The following TNPO3 variants were observed in gnomAD, a reference collection of about 807,000 sequenced individuals.
TNPO3 encodes the protein transportin-3.
TNPO3 carries 65 observed loss-of-function variants against 122.8 expected under a neutral mutation model. The ratio of observed to expected loss-of-function variants is 0.53; its 90% CI spans 0.43 to 0.65. The LOEUF is 0.65. TNPO3 is among the 30% of genes least tolerant of loss of function. TNPO3 has a pLI of 0.00. For synonymous variants in TNPO3, 372 were observed against 411.2 expected, an observed-to-expected ratio of 0.90 and a Z score of 1.15; for missense variants, 850 against 1,136.7, an observed-to-expected ratio of 0.75 and a Z score of 3.63.
At chr7:129,035,950 CTTTTTTTTTTTTT>C (rs71162551) in intron 1 of TNPO3, among the ~76,000 whole-genome samples, 1 of 119,938 alleles carries the variant, frequency 8.3e-6, no homozygotes, top group Non-Finnish European at 1.8e-5. Context: ...CTTTTCTTTT[CTTTTTTTTTTTTT>C]TTTTTTTTGA....
intron 1 of TNPO3, among the ~76,000 whole-genome samples, chr7:129,025,415 T>C (rs1257510516): frequency 8.2e-6 from 1 of 121,556 alleles, no homozygotes; most frequent in East Asian, 2.5e-4. Context: ...GACTCAACTA[T>C]GAAGTGTGAG....
intron 9 of TNPO3, among the ~76,000 whole-genome samples, chr7:128,993,225 T>C (rs1306902280): frequency 1.3e-5 from 2 of 151,978 alleles, no homozygotes; most frequent in African/African-American, 2.4e-5. Context: ...TACAGCAATA[T>C]GAAAACTGCC....
rs1015269087 is a variant in TNPO3, at chr7:128,954,489, G to GA, written c.*927dup. 2 of 151,998 alleles carry GA rather than the reference G, an allele frequency of 1.3e-5. No homozygotes were observed. Among genetic ancestry groups the GA allele is most frequent in the African/African-American group, 4.8e-5 (2 of 41,364 alleles). The allele number at this position is 151,998 out of a possible 1,614,324, so 9.4% of individuals were successfully genotyped here. A position where few individuals can be genotyped will look rare whatever the true frequency, so the allele number is the denominator to read the frequency against. On this transcript the variant is annotated 3_prime_UTR_variant, in exon 23 of 23. Coordinates refer to ENST00000265388, the MANE Select transcript of TNPO3 (RefSeq NM_012470.4). ...TGTCTGTGGGTGAATAATTCACTAAGAAAAAAACCTTAAAAAACAAAAACT... is the reference window on the plus strand; with the variant it reads ...TGTCTGTGGGTGAATAATTCACTAAGAAAAAAAACCTTAAAAAACAAAAACT...
chr7:129,037,884 A>C (rs939834580), intron 1 of TNPO3, among the ~76,000 whole-genome samples: 3 of 152,194 alleles, frequency 2.0e-5, no homozygotes, highest in Admixed American at 6.5e-5. Flanking sequence ...AGGGAAAAAA[A>C]AACTATTTTG....
At chr7:128,992,114 G>A in intron 9 of TNPO3, 24 bp from the exon 10 acceptor site, 1 of 1,393,686 alleles carries the variant, frequency 7.2e-7, no homozygotes, top group Non-Finnish European at 1.0e-6. Context: ...GGTGGATTAT[G>A]GATCCATTAA....
chr7:129,034,372 A>G (rs1052720773), intron 1 of TNPO3, among the ~76,000 whole-genome samples: 9 of 152,118 alleles, frequency 5.9e-5, no homozygotes, highest in African/African-American at 1.9e-4. Context: ...GCATGTCTGT[A>G]GTCCCAGCTA....
intron 4 of TNPO3, among the ~76,000 whole-genome samples, 160 bp from the exon 5 acceptor site, chr7:129,005,319 T>G (rs1441741601): frequency 6.6e-6 from 1 of 152,094 alleles, no homozygotes; most frequent in Non-Finnish European, 1.5e-5. Flanking sequence ...TTTTTTTTCC[T>G]TTTAAGAGAG....
At chr7:129,032,095 T>C (rs1451355692) in intron 1 of TNPO3, among the ~76,000 whole-genome samples, 1 of 151,906 alleles carries the variant, frequency 6.6e-6, no homozygotes, top group Non-Finnish European at 1.5e-5. Flanking sequence ...ATTAACAGAA[T>C]GAAGAAGGAA....
chr7:128,968,261 T>G (rs1798115820), intron 20 of TNPO3, among the ~76,000 whole-genome samples: 1 of 152,216 alleles, frequency 6.6e-6, no homozygotes, highest in Non-Finnish European at 1.5e-5. Flanking sequence ...TTGTGATATC[T>G]GCCTGTTCTT....
chr7:128,979,946 T>G, intron 15 of TNPO3, 25 bp downstream of exon 15: 5 of 1,610,802 alleles, frequency 3.1e-6, no homozygotes, highest in Non-Finnish European at 4.2e-6. Context: ...AAGCCTTGAT[T>G]CCACAAGCAT....
intron 1 of TNPO3, among the ~76,000 whole-genome samples, chr7:129,032,013 A>G (rs12334069): frequency 0.01 from 1,536 of 152,286 alleles, 20 homozygotes; most frequent in African/African-American, 0.035. Context: ...AAGGGATTAT[A>G]CATCATCATC....
rs1796994969 is a variant in TNPO3 at position 128,957,280 on chromosome 7, C to T, written c.2747G>A (p.Arg916Gln). The change falls in exon 22 of 23, where the codon CGA (arginine) becomes CAA (glutamine). Residue 916 changes from arginine (R) to glutamine (Q), a missense_variant. Coordinates refer to ENST00000265388, the MANE Select transcript of TNPO3 (RefSeq NM_012470.4). ...CTATCGAAACAACCTGGTGAAGTCTCGCAAGGCCCAGCAAACTTGTTTACA... is the reference window on the plus strand; with the variant it reads ...CTATCGAAACAACCTGGTGAAGTCTTGCAAGGCCCAGCAAACTTGTTTACA... ...EECKQVCWAL[R>Q]DFTRLFR is the part of the protein sequence containing the mutation. The T allele has an allele frequency of 6.2e-7, 1 of 1,614,096 alleles. No homozygotes were observed.
At chr7:129,054,448 A>G (rs1455656745) in intron 1 of TNPO3, among the ~76,000 whole-genome samples, 1 of 152,134 alleles carries the variant, frequency 6.6e-6, no homozygotes, top group Admixed American at 6.5e-5. Context: ...CCGGGTGGGG[A>G]AAGGGCCAGT....
At chr7:128,956,573 A>T (rs1796919250) in intron 22 of TNPO3, among the ~76,000 whole-genome samples, 1 of 152,202 alleles carries the variant, frequency 6.6e-6, no homozygotes, top group Non-Finnish European at 1.5e-5. Context: ...TGAGCATTGG[A>T]GCATTTTGGA....
rs1298603727 is a variant in TNPO3 at position 128,986,853 on chromosome 7, G to A, written c.1566C>T (p.Ala522=). The part of the protein sequence containing the change: ...EKPLASAAAK[A]IHNICSVCRD... ...GGCAGACAGAGCAAATGTTATGAATGGCTTTGGCTGCAGCAGAAGCCAGGG... is the reference window on the plus strand; with the variant it reads ...GGCAGACAGAGCAAATGTTATGAATAGCTTTGGCTGCAGCAGAAGCCAGGG... Residue 522 remains alanine (A), a synonymous_variant, in exon 12 of 23, where the codon GCC becomes GCT. Transcript: ENST00000265388. The A allele has an allele frequency of 1.2e-6, 2 of 1,613,994 alleles. No individual in the cohort carries two copies. The highest frequency in any genetic ancestry group is 2.2e-5 in the South Asian group (2 of 91,062).
chr7:128,999,562 C>T (rs1411521743), intron 7 of TNPO3, among the ~76,000 whole-genome samples: 1 of 151,838 alleles, frequency 6.6e-6, no homozygotes, highest in African/African-American at 2.4e-5. Context: ...ATCAAGGATC[C>T]AAAACAGAGC....
In TNPO3 at chr7:128,987,672, G is replaced by A. The variant is rs181973772; in HGVS notation, c.1499-752C>T. 5.2e-3 allele frequency among the ~76,000 whole-genome samples: 794 copies of A among 152,116 alleles called. 10 individuals carry two copies. Among genetic ancestry groups the A allele is most frequent in the African/African-American group, 0.018 (761 of 41,476 alleles). Reference sequence around the variant, plus strand: ...CTCAGCTCACTGCAACCTCCATCTCGCAGGTTCAAGCAATTATCCTGCCTT... The same window carrying A: ...CTCAGCTCACTGCAACCTCCATCTCACAGGTTCAAGCAATTATCCTGCCTT... On this transcript the variant is annotated intron_variant, in intron 11 of 22. Transcript: ENST00000265388.
rs1225719719 is a variant in TNPO3 at position 128,955,267 on chromosome 7, CCT to C, written c.*148_*149del. 8.1e-5 allele frequency: 37 copies of C among 454,212 alleles called. No homozygotes were observed. Among genetic ancestry groups the C allele is most frequent in the Non-Finnish European group, 1.3e-4 (30 of 226,720 alleles). The allele number at this position is 454,212 out of a possible 1,614,324, so 28.1% of individuals were successfully genotyped here. On this transcript the variant is annotated 3_prime_UTR_variant, in exon 23 of 23. Transcript: ENST00000265388. ...TGGCCTCAGAAGGCTGGAGTCTCTC[CCT>C]GTCTGGCGGGACACCCTGGTGGCGG...
intron 1 of TNPO3, among the ~76,000 whole-genome samples, chr7:129,047,268 A>T (rs375944866): frequency 9.9e-5 from 15 of 152,208 alleles, no homozygotes; most frequent in East Asian, 7.7e-4. Context: ...TTAAAAACTT[A>T]TAACTGAGTC....
Sources: gnomAD v4.1 joint callset for allele counts (sites outside exome capture counted in the v4.1 genomes callset) on GRCh38, gnomAD v4.1.1 for gene constraint, MANE v1.5 for transcripts, NCBI Gene and HGNC (gene_info 2026-07-23, HGNC 2026-07-21) for gene names.